GLDC: variants seen among roughly 807,000 people sequenced by gnomAD.
The protein encoded by GLDC is glycine decarboxylase.
Under a neutral mutation model 121.3 loss-of-function variants are expected in GLDC, and 104 were observed. The observed-to-expected ratio is 0.86, with a 90% CI of 0.73 to 1.01. The LOEUF is 1.01. GLDC is among the 50% of genes least tolerant of loss of function. The pLI is 0.00. For synonymous variants in GLDC, 546 were observed against 480.6 expected, an observed-to-expected ratio of 1.14 and a Z score of -1.78; for missense variants, 1,429 against 1,306.6, an observed-to-expected ratio of 1.09 and a Z score of -1.44.
At chr9:6,594,914 T>C (rs1818461918) in intron 9 of GLDC, 100 bp downstream of exon 9, 2 of 796,562 alleles carry the variant, frequency 2.5e-6, no homozygotes, top group Non-Finnish European at 4.5e-6. Flanking sequence ...TCACTTGACT[T>C]TTAATTTTGC....
chr9:6,534,690 C>G lies in GLDC; in HGVS notation c.2919+18G>C. On this transcript the variant is annotated intron_variant, in intron 24 of 24. Coordinates refer to ENST00000321612, the MANE Select transcript of GLDC (RefSeq NM_000170.3). ...CCCATGCCTTCCCAGCTGGCACATT[C>G]AGATTCAGAGAACTTACGAGTGGGA... is the stretch of plus-strand genomic sequence containing the variant. The G allele has an allele frequency of 2.1e-6, 3 of 1,420,018 alleles. No homozygotes were observed. Among genetic ancestry groups the G allele is most frequent in the Non-Finnish European group, 3.0e-6 (3 of 1,003,508 alleles). 88.0% of individuals were successfully genotyped at this position (1,420,018 alleles called of 1,614,324 possible). A position where few individuals can be genotyped will look rare whatever the true frequency, so the allele number is the denominator to read the frequency against.
intron 16 of GLDC, among the ~76,000 whole-genome samples, chr9:6,561,453 A>G (rs961866473): frequency 6.6e-6 from 1 of 152,184 alleles, no homozygotes; most frequent in Non-Finnish European, 1.5e-5. Flanking sequence ...GTTCAAGACC[A>G]GCCTGGCCAA....
At chr9:6,592,776 C>A in intron 10 of GLDC, 75 bp downstream of exon 10, 1 of 1,408,630 alleles carries the variant, frequency 7.1e-7, no homozygotes, top group African/African-American at 1.4e-5. Context: ...TTTTTAAAAA[C>A]AAAGAGAAAA....
intron 15 of GLDC, among the ~76,000 whole-genome samples, chr9:6,574,340 G>T (rs1818021619): frequency 6.6e-6 from 1 of 151,920 alleles, no homozygotes; most frequent in Non-Finnish European, 1.5e-5. Context: ...GGTGGCGGGT[G>T]CCTGTAATTC....
chr9:6,589,901 C>T (rs1324197885), intron 11 of GLDC, among the ~76,000 whole-genome samples: 1 of 151,920 alleles, frequency 6.6e-6, no homozygotes, highest in African/African-American at 2.4e-5. Flanking sequence ...CTAAAAAATA[C>T]AAAATTAGCC....
intron 2 of GLDC, among the ~76,000 whole-genome samples, chr9:6,629,939 A>ATATGTATATATATG (rs1819328527): frequency 1.3e-5 from 1 of 78,198 alleles, no homozygotes; most frequent in Admixed American, 1.3e-4. Context: ...CTATATATAT[A>ATATGTATATATATG]TATATGTATA....
intron 18 of GLDC, among the ~76,000 whole-genome samples, chr9:6,555,854 G>C (rs1042287477): frequency 6.6e-6 from 1 of 152,142 alleles, no homozygotes; most frequent in Admixed American, 6.6e-5. Context: ...CAAAAAGATT[G>C]TGTCACTCCT....
chr9:6,554,791 A>C lies in GLDC; in HGVS notation c.2203-10T>G, dbSNP rs761374321. The C allele has an allele frequency of 3.1e-6, 5 of 1,603,704 alleles. No homozygotes were observed. In the African/African-American group the frequency reaches 5.3e-5, roughly 17 times the overall value. On this transcript the variant is annotated splice_polypyrimidine_tract_variant and intron_variant, in intron 18 of 24. Coordinates refer to ENST00000321612, the MANE Select transcript of GLDC (RefSeq NM_000170.3). ...GGCGACAGATTCCCACCTACCACAAAGGCAAGGGCCAAAAGCAAAAGTCAA... is the reference window on the plus strand; with the variant it reads ...GGCGACAGATTCCCACCTACCACAACGGCAAGGGCCAAAAGCAAAAGTCAA...
At position 6,554,787 on chromosome 9, in the gene GLDC, A is replaced by C; in HGVS notation, c.2203-6T>G. On this transcript the variant is annotated splice_region_variant and splice_polypyrimidine_tract_variant and intron_variant, in intron 18 of 24. Coordinates refer to ENST00000321612, the MANE Select transcript of GLDC (RefSeq NM_000170.3). ...CCAGGGCGACAGATTCCCACCTACC[A>C]CAAAGGCAAGGGCCAAAAGCAAAAG... 6.2e-7 allele frequency: 1 copy of C among 1,607,514 alleles called. No homozygotes were observed. The highest frequency in any genetic ancestry group is 8.5e-7 in the Non-Finnish European group (1 of 1,175,788).
intron 1 of GLDC, 190 bp from the exon 2 acceptor site, chr9:6,644,882 T>C (rs2130030153): frequency 1.6e-6 from 1 of 640,386 alleles, no homozygotes; most frequent in Non-Finnish European, 2.8e-6. Flanking sequence ...GGGGTGGAGA[T>C]TCCGCCACTC....
At chr9:6,595,227 G>C in intron 8 of GLDC, 108 bp from the exon 9 acceptor site, 1 of 808,476 alleles carries the variant, frequency 1.2e-6, no homozygotes, top group South Asian at 1.3e-5. Context: ...AAAACAAAAT[G>C]ATCAGATTTC....
chr9:6,554,825 A>G (rs764949509), intron 18 of GLDC, 44 bp from the exon 19 acceptor site: 2 of 1,454,484 alleles, frequency 1.4e-6, no homozygotes, highest in Non-Finnish European at 1.9e-6. Context: ...AAGAGCTTGG[A>G]AGCACCCTCC....
chr9:6,625,826 T>A (rs1019463104), intron 2 of GLDC, among the ~76,000 whole-genome samples: 1 of 151,214 alleles, frequency 6.6e-6, no homozygotes, highest in Non-Finnish European at 1.5e-5. Flanking sequence ...AGAGGCCACC[T>A]CCTGAGAAGG....
rs754615936 is a variant in GLDC, at chr9:6,558,625, G to T, written c.1986C>A (p.Gly662=). The part of the protein sequence containing the change: ...GTNPASAHMA[G]MKIQPVEVDK... The stretch of plus-strand genomic sequence containing the variant: ...CCACCTCCACAGGCTGAATCTTCAT[G>T]CCTGCCATGTGGGCACTTGCTGGGT... Residue 662 remains glycine (G), a synonymous_variant, in exon 17 of 25, where the codon GGC becomes GGA. Transcript: ENST00000321612. 3.1e-6 allele frequency: 5 copies of T among 1,614,086 alleles called. No individual in the cohort carries two copies. Among genetic ancestry groups the T allele is most frequent in the Non-Finnish European group, 4.2e-6 (5 of 1,179,944 alleles).
chr9:6,543,764 G>A (rs756919596), intron 21 of GLDC, among the ~76,000 whole-genome samples: 13 of 152,024 alleles, frequency 8.6e-5, no homozygotes, highest in Non-Finnish European at 1.9e-4. Context: ...ATGTTGGGGC[G>A]ATATCAAGTG....
At position 6,599,518 on chromosome 9, in the gene GLDC, C is replaced by T. The variant is rs142915711; in HGVS notation, c.1155+2591G>A. On this transcript the variant is annotated intron_variant, in intron 8 of 24. Coordinates refer to ENST00000321612, the MANE Select transcript of GLDC (RefSeq NM_000170.3). The stretch of plus-strand genomic sequence containing the variant: ...TGGGCAGATCATGAGATCAGGAGTT[C>T]GAGACCAGCCTGACCAACATGGTGA... Among the ~76,000 whole-genome samples, 18 of 152,026 alleles carry T rather than the reference C, an allele frequency of 1.2e-4. 1 individual carries two copies. The highest frequency in any genetic ancestry group is 3.6e-4 in the African/African-American group (15 of 41,478).
At chr9:6,565,115 C>T (rs1355357148) in intron 16 of GLDC, among the ~76,000 whole-genome samples, 1 of 152,234 alleles carries the variant, frequency 6.6e-6, no homozygotes, top group African/African-American at 2.4e-5. Context: ...AACTGGCTGA[C>T]GTTTGCATTC....
intron 2 of GLDC, among the ~76,000 whole-genome samples, chr9:6,628,270 G>A (rs1179877403): frequency 1.3e-5 from 2 of 152,170 alleles, no homozygotes; most frequent in Non-Finnish European, 2.9e-5. Flanking sequence ...ATTCTGAGAA[G>A]GTGATTGTGC....
chr9:6,634,597 A>C (rs1459733427), intron 2 of GLDC, among the ~76,000 whole-genome samples: 1 of 152,008 alleles, frequency 6.6e-6, no homozygotes, highest in African/African-American at 2.4e-5. Flanking sequence ...GGGCTGCCCG[A>C]AGCCAGTGAC....
Sources: allele counts gnomAD v4.1 joint callset (sites outside exome capture counted in the v4.1 genomes callset), GRCh38; gene constraint gnomAD v4.1.1; transcripts MANE v1.5; gene names NCBI Gene and HGNC (gene_info 2026-07-23, HGNC 2026-07-21).